Variants in CCSER1 observed in about 807,000 individuals in gnomAD.
CCSER1 encodes the protein coiled-coil serine rich protein 1.
In CCSER1, 41 loss-of-function variants were observed where a neutral mutation model predicts 82.0. The ratio of observed to expected loss-of-function variants is 0.50; its 90% CI spans 0.39 to 0.65. The LOEUF (loss-of-function observed/expected upper bound fraction) is 0.65, where lower values mean the gene tolerates loss of function less well. Ranked by LOEUF, CCSER1 falls within the 30% of genes least tolerant of loss-of-function variation. The pLI, the probability that CCSER1 is intolerant of heterozygous loss-of-function variation, is 0.00. For missense variants in CCSER1, 1,119 were observed against 1,064.2 expected (o/e 1.05, Z -0.72); for synonymous variants, 414 against 383.9 (o/e 1.08, Z -0.92).
rs150037710 is a variant in CCSER1, at chr4:91,586,001, A to G, written c.2218-12571A>G. ...GGCACAAAATAGTGGATAAAGTAGT[A>G]CAAGATAATGGTGTTGAACTAGAGG... On this transcript the variant is annotated intron_variant, in intron 10 of 10. Transcript: ENST00000509176. 1.1e-3 allele frequency among the ~76,000 whole-genome samples: 161 copies of G among 151,804 alleles called. 2 individuals carry two copies. The highest frequency in any genetic ancestry group is 3.4e-3 in the African/African-American group (143 of 41,490).
chr4:90,191,664 G>A (rs7698120), intron 1 of CCSER1, among the ~76,000 whole-genome samples: 37,780 of 151,816 alleles, frequency 0.25, 6,500 homozygotes, highest in East Asian at 0.65. Context: ...ATAGTGAGAG[G>A]GGCTGATAGT....
At chr4:91,304,013 A>G (rs1368765263) in intron 10 of CCSER1, among the ~76,000 whole-genome samples, 2 of 152,034 alleles carry the variant, frequency 1.3e-5, no homozygotes, top group East Asian at 3.9e-4. Context: ...AAGGGAAAGA[A>G]AAAATGTTCC....
intron 10 of CCSER1, among the ~76,000 whole-genome samples, chr4:91,564,779 T>C (rs1034175094): frequency 6.6e-6 from 1 of 152,040 alleles, no homozygotes; most frequent in Non-Finnish European, 1.5e-5. Flanking sequence ...TGCTGGATAT[T>C]AGACCTTCTT....
chr4:91,598,969 C>T lies in CCSER1; in HGVS notation c.2615C>T (p.Ser872Phe), dbSNP rs1764711737. 6.4e-7 allele frequency: 1 copy of T among 1,551,448 alleles called. No homozygotes were observed. The highest frequency in any genetic ancestry group is 2.0e-5 in the Admixed American group (1 of 50,948). The change falls in exon 11 of 11, where the codon TCT (serine) becomes TTT (phenylalanine). Residue 872 changes from serine to phenylalanine, a missense_variant. Physicochemically the swap from Ser to Phe is radical, Grantham distance 155. Transcript: ENST00000509176. Reference protein sequence around the residue: ...RFGQPPRGPISLHMYSRKNVF... With the variant: ...RFGQPPRGPIFLHMYSRKNVF... ...GGACAGCCACCCAGAGGGCCAATCT[C>T]TTTACACATGTACAGCAGGAAGAAT... is the stretch of plus-strand genomic sequence containing the variant.
intron 10 of CCSER1, among the ~76,000 whole-genome samples, chr4:91,211,409 A>T (rs1581778799): frequency 6.6e-6 from 1 of 152,064 alleles, no homozygotes; most frequent in East Asian, 1.9e-4. Flanking sequence ...ATTGATTAAT[A>T]TAGTTGTCTT....
At chr4:91,083,249 A>T (rs992190370) in intron 9 of CCSER1, among the ~76,000 whole-genome samples, 2 of 152,188 alleles carry the variant, frequency 1.3e-5, no homozygotes, top group Non-Finnish European at 2.9e-5. Context: ...TGATGAGTTC[A>T]TGTCCTTTAT....
At chr4:90,775,238 C>G (rs1307892337) in intron 7 of CCSER1, among the ~76,000 whole-genome samples, 2 of 152,124 alleles carry the variant, frequency 1.3e-5, no homozygotes, top group African/African-American at 4.8e-5. Context: ...CCTGTTTTCT[C>G]TCCACAGAGG....
chr4:90,625,299 C>T (rs1723063746), intron 5 of CCSER1, among the ~76,000 whole-genome samples: 1 of 152,036 alleles, frequency 6.6e-6, no homozygotes, highest in African/African-American at 2.4e-5. Context: ...CCCAGAGACA[C>T]TTGGGTATTT....
At chr4:91,544,707 G>A (rs1181166368) in intron 10 of CCSER1, among the ~76,000 whole-genome samples, 1 of 152,184 alleles carries the variant, frequency 6.6e-6, no homozygotes, top group Non-Finnish European at 1.5e-5. Context: ...TATGTGAGGT[G>A]TCAGTCTGCC....
At chr4:90,358,118 TA>T (rs2153516402) in intron 3 of CCSER1, among the ~76,000 whole-genome samples, 2 of 152,226 alleles carry the variant, frequency 1.3e-5, no homozygotes, top group East Asian at 3.9e-4. Flanking sequence ...AATGATATTA[TA>T]AAATGATATT....
intron 10 of CCSER1, among the ~76,000 whole-genome samples, chr4:91,374,641 A>G (rs1205830476): frequency 6.6e-6 from 1 of 152,196 alleles, no homozygotes; most frequent in Admixed American, 6.5e-5. Context: ...TGCTAACACA[A>G]CATTCATTCT....
At chr4:90,764,798 A>G (rs1454329) in intron 7 of CCSER1, among the ~76,000 whole-genome samples, 28,892 of 151,964 alleles carry the variant, frequency 0.19, 3,325 homozygotes, top group South Asian at 0.27. Flanking sequence ...CCAACCCATG[A>G]TTTCCTAAAA....
chr4:90,154,313 G>A (rs1302869953), intron 1 of CCSER1, among the ~76,000 whole-genome samples: 1 of 152,230 alleles, frequency 6.6e-6, no homozygotes, highest in African/African-American at 2.4e-5. Flanking sequence ...CAGGTAGCGT[G>A]ACGCCTCCAG....
chr4:90,478,719 C>T (rs1164927581), intron 5 of CCSER1, among the ~76,000 whole-genome samples: 1 of 145,434 alleles, frequency 6.9e-6, no homozygotes, highest in Non-Finnish European at 1.5e-5. Context: ...ATAAATTGTA[C>T]TTTCTTTCTT....
chr4:90,990,154 A>T (rs970251662), intron 9 of CCSER1, among the ~76,000 whole-genome samples: 2 of 151,880 alleles, frequency 1.3e-5, no homozygotes, highest in African/African-American at 4.8e-5. Flanking sequence ...AACTCTCAAC[A>T]ATATAGTTCA....
At chr4:91,122,317 A>T (rs1048337507) in intron 10 of CCSER1, among the ~76,000 whole-genome samples, 1 of 151,786 alleles carries the variant, frequency 6.6e-6, no homozygotes, top group African/African-American at 2.4e-5. Flanking sequence ...CAAACCTAAG[A>T]TAATTTACTA....
rs1553982851 is a variant in CCSER1, at chr4:90,271,890, T to TTTTTTTA, written c.-41-36354_-41-36353insTTTTTTA. On this transcript the variant is annotated intron_variant, in intron 1 of 10. Coordinates refer to ENST00000509176, the MANE Select transcript of CCSER1 (RefSeq NM_001145065.2). ...TTTTTTTTTTTTTTTTTTTTTTTTT[T>TTTTTTTA]AAAAGGAGGTTTAATTGACTCACAG... Among the ~76,000 whole-genome samples, 377 of 70,022 alleles carry TTTTTTTA rather than the reference T, an allele frequency of 5.4e-3. 35 individuals are homozygous for TTTTTTTA. The highest frequency in any genetic ancestry group is 7.8e-3 in the Non-Finnish European group (290 of 37,006). 45.9% of individuals were successfully genotyped at this position (70,022 alleles called of 152,430 possible).
intron 10 of CCSER1, among the ~76,000 whole-genome samples, chr4:91,227,867 T>C (rs988233839): frequency 6.6e-6 from 1 of 152,160 alleles, no homozygotes; most frequent in Middle Eastern, 3.4e-3. Context: ...AGAAAAAATA[T>C]CTCAATTGCC....
rs115626063 is a variant in CCSER1 at position 90,435,088 on chromosome 4, T to G, written c.1604-33146T>G. ...TTTTTGACCTTTGATTTTAATATGA[T>G]AACACATTAAAAACAAGCAAATAGT... On this transcript the variant is annotated intron_variant, in intron 4 of 10. Transcript: ENST00000509176. Among the ~76,000 whole-genome samples, 767 of 152,284 alleles carry G rather than the reference T, an allele frequency of 5.0e-3. 4 individuals are homozygous for G. The highest frequency in any genetic ancestry group is 0.018 in the African/African-American group (735 of 41,576).
Sources: allele counts gnomAD v4.1 joint callset (sites outside exome capture counted in the v4.1 genomes callset), GRCh38; gene constraint gnomAD v4.1.1; transcripts MANE v1.5; gene names NCBI Gene and HGNC (gene_info 2026-07-23, HGNC 2026-07-21).